VAC14: variants seen among roughly 807,000 people sequenced by gnomAD.
VAC14 encodes the protein VAC14 component of PIKFYVE complex.
In VAC14, 47 loss-of-function variants were observed where a neutral mutation model predicts 85.3. The observed-to-expected ratio is 0.55, with a 90% CI of 0.44 to 0.70. VAC14 has a LOEUF of 0.70. VAC14 is among the 30% of genes least tolerant of loss of function. The probability of loss-of-function intolerance (pLI) is 0.00; values close to 1 mark genes in which losing one functional copy is unlikely to be tolerated. For missense variants in VAC14, 861 were observed against 1,004.3 expected (o/e 0.86, Z 1.93); for synonymous variants, 447 against 430.5 (o/e 1.04, Z -0.47).
At position 70,701,855 on chromosome 16, in the gene VAC14, C is replaced by G. The variant is rs970509465; in HGVS notation, c.1662-3044G>C. On this transcript the variant is annotated intron_variant, in intron 14 of 18. Transcript: ENST00000261776. ...GCCTCTTGGGTTTTTTGGTTCCTGA[C>G]CTCGCCAAGCCCACGTGGCCCTAGA... Among the ~76,000 whole-genome samples, 6 of 152,342 alleles carry G rather than the reference C, an allele frequency of 3.9e-5. No individual in the cohort carries two copies. In the East Asian group the frequency reaches 9.7e-4, roughly 25 times the overall value.
At chr16:70,703,198 C>T (rs986239742) in intron 14 of VAC14, among the ~76,000 whole-genome samples, 5 of 152,372 alleles carry the variant, frequency 3.3e-5, no homozygotes, top group Admixed American at 6.5e-5. Flanking sequence ...GGCTCCCAAG[C>T]GCAGTGTCAA....
At chr16:70,742,024 C>T (rs1029734834) in intron 13 of VAC14, among the ~76,000 whole-genome samples, 8 of 152,218 alleles carry the variant, frequency 5.3e-5, no homozygotes, top group Non-Finnish European at 8.8e-5. Flanking sequence ...GTCCTCCTTC[C>T]ATGAGCAGGA....
At chr16:70,717,483 A>G (rs1206480736) in intron 14 of VAC14, among the ~76,000 whole-genome samples, 2 of 152,080 alleles carry the variant, frequency 1.3e-5, no homozygotes, top group Non-Finnish European at 2.9e-5. Context: ...CCGGATATAG[A>G]TCGGCACACT....
chr16:70,711,401 G>T lies in VAC14; in HGVS notation c.1662-12590C>A, dbSNP rs561244365. Reference sequence around the variant, plus strand: ...CTCTAGGCGGAAGGCCCTGACACTTGCCTTCTTGAGGCCCCACCCCCACCT... The same window carrying T: ...CTCTAGGCGGAAGGCCCTGACACTTTCCTTCTTGAGGCCCCACCCCCACCT... On this transcript the variant is annotated intron_variant, in intron 14 of 18. Transcript: ENST00000261776. Among the ~76,000 whole-genome samples the T allele has an allele frequency of 1.7e-3, 258 of 152,272 alleles. 2 individuals carry two copies. The highest frequency in any genetic ancestry group is 5.9e-3 in the African/African-American group (247 of 41,564).
chr16:70,745,969 T>C (rs981466660), intron 12 of VAC14, among the ~76,000 whole-genome samples: 1 of 152,188 alleles, frequency 6.6e-6, no homozygotes, highest in Non-Finnish European at 1.5e-5. Context: ...TAAAATGTTG[T>C]GGAATTAGAT....
chr16:70,731,222 G>A (rs2054580221), intron 14 of VAC14: 1 of 1,087,636 alleles, frequency 9.2e-7, no homozygotes, highest in Non-Finnish European at 1.1e-6. Context: ...TGAATAAGAG[G>A]CTGTTCCACC....
At position 70,786,377 on chromosome 16, in the gene VAC14, G is replaced by A; in HGVS notation, c.105-12C>T. The A allele has an allele frequency of 2.5e-6, 4 of 1,611,878 alleles. No homozygotes were observed. Among genetic ancestry groups the A allele is most frequent in the African/African-American group, 2.7e-5 (2 of 75,034 alleles). ...ACTCCCGGACCAGCCTGGAGAGAGA[G>A]GAGAGAGGGGCTGTGGGAATCAGGC... is the stretch of plus-strand genomic sequence containing the variant. On this transcript the variant is annotated splice_polypyrimidine_tract_variant and intron_variant, in intron 1 of 18. Coordinates refer to ENST00000261776, the MANE Select transcript of VAC14 (RefSeq NM_018052.5).
At chr16:70,690,174 C>G (rs1418755447) in intron 18 of VAC14, 1 of 985,358 alleles carries the variant, frequency 1.0e-6, no homozygotes. Context: ...GCTCCCTGGG[C>G]CCTTAGGGTG....
At chr16:70,781,034 C>G in intron 8 of VAC14, 95 bp from the exon 9 acceptor site, 7 of 1,548,308 alleles carry the variant, frequency 4.5e-6, no homozygotes, top group Non-Finnish European at 4.4e-6. Flanking sequence ...GAGGTGGGGC[C>G]TGGTGGGAGG....
intron 12 of VAC14, among the ~76,000 whole-genome samples, chr16:70,757,464 G>A (rs1003448064): frequency 2.0e-5 from 3 of 152,198 alleles, no homozygotes; most frequent in Non-Finnish European, 4.4e-5. Context: ...GCCCAGGAGT[G>A]CTGGGGAGGC....
chr16:70,745,518 T>TGTGTGTGCGC (rs374204849), intron 12 of VAC14, among the ~76,000 whole-genome samples: 1 of 141,020 alleles, frequency 7.1e-6, no homozygotes, highest in African/African-American at 3.1e-5. Context: ...TGTGTGTGTG[T>TGTGTGTGCGC]GCGCGTGTGC....
intron 3 of VAC14, 64 bp downstream of exon 3, chr16:70,785,638 A>G: frequency 1.3e-6 from 2 of 1,487,900 alleles, no homozygotes; most frequent in Non-Finnish European, 1.8e-6. Context: ...CCAAGGTTCC[A>G]GAAGGTCAAG....
intron 13 of VAC14, among the ~76,000 whole-genome samples, chr16:70,738,248 T>C (rs1208320286): frequency 2.6e-5 from 4 of 151,798 alleles, no homozygotes; most frequent in Admixed American, 2.0e-4. Context: ...TCTGCAGAAC[T>C]GGAGGGGGTG....
intron 1 of VAC14, among the ~76,000 whole-genome samples, chr16:70,793,901 C>T (rs1303578252): frequency 1.3e-5 from 2 of 152,196 alleles, no homozygotes; most frequent in Non-Finnish European, 2.9e-5. Context: ...GCTGGGCACC[C>T]ACCAACCAAC....
chr16:70,717,208 G>A lies in VAC14; in HGVS notation c.1661+14287C>T, dbSNP rs547560252. 1.6e-3 allele frequency among the ~76,000 whole-genome samples: 237 copies of A among 152,294 alleles called. 2 individuals are homozygous for A. The highest frequency in any genetic ancestry group is 5.4e-3 in the African/African-American group (223 of 41,550). ...CCAGCGCACTCTGGCCACACTGATG[G>A]GTCCCATGGGACATGAGCCCAGGAC... is the stretch of plus-strand genomic sequence containing the variant. On this transcript the variant is annotated intron_variant, in intron 14 of 18. Coordinates refer to ENST00000261776, the MANE Select transcript of VAC14 (RefSeq NM_018052.5).
intron 12 of VAC14, among the ~76,000 whole-genome samples, chr16:70,753,879 T>G (rs1477712085): frequency 6.6e-6 from 1 of 152,124 alleles, no homozygotes; most frequent in Non-Finnish European, 1.5e-5. Flanking sequence ...GAGCGCCCAT[T>G]CCTGCCTCAG....
chr16:70,688,543 G>T, intron 18 of VAC14: 1 of 986,248 alleles, frequency 1.0e-6, no homozygotes, highest in Non-Finnish European at 1.2e-6. Context: ...TTGCTGAAGA[G>T]CCTCTGCCGG....
intron 17 of VAC14, among the ~76,000 whole-genome samples, chr16:70,693,282 C>T (rs901512055): frequency 1.2e-4 from 18 of 152,214 alleles, no homozygotes; most frequent in African/African-American, 3.6e-4. Context: ...CCCACAACCC[C>T]GAGACACGCT....
rs570573182 is a variant in VAC14 at position 70,783,146 on chromosome 16, A to G, written c.705-7T>C. 11 of 1,613,180 alleles carry G rather than the reference A, an allele frequency of 6.8e-6. No homozygotes were observed. Among genetic ancestry groups the G allele is most frequent in the African/African-American group, 6.7e-5 (5 of 75,046 alleles). ...TCCAAGAACAACCTCACACCTATGA[A>G]CAAGAACAGGAAAGTGGAAACAGCG... On this transcript the variant is annotated splice_region_variant and splice_polypyrimidine_tract_variant and intron_variant, in intron 6 of 18. Coordinates refer to ENST00000261776, the MANE Select transcript of VAC14 (RefSeq NM_018052.5).
Sources: gnomAD v4.1 joint callset for allele counts (sites outside exome capture counted in the v4.1 genomes callset) on GRCh38, gnomAD v4.1.1 for gene constraint, MANE v1.5 for transcripts, NCBI Gene and HGNC (gene_info 2026-07-23, HGNC 2026-07-21) for gene names.